The following EYS variants were observed in gnomAD, a reference collection of about 807,000 sequenced individuals.
EYS encodes the protein protein eyes shut homolog.
EYS carries 250 observed loss-of-function variants against 282.1 expected under a neutral mutation model. The ratio of observed to expected loss-of-function variants is 0.89; its 90% confidence interval spans 0.80 to 0.98. The LOEUF (loss-of-function observed/expected upper bound fraction) is 0.98. Among genes scored for constraint, EYS ranks in the 50% least tolerant of loss-of-function variants. The probability of loss-of-function intolerance (pLI) is 0.00; values close to 1 mark genes in which losing one functional copy is unlikely to be tolerated. For synonymous variants in EYS, 1,355 were observed against 1,282.9 expected (o/e 1.06, Z -1.20); for missense variants, 4,016 against 3,709.0 (o/e 1.08, Z -2.15).
At chr6:65,238,359 C>T (rs1245267534) in intron 12 of EYS, among the ~76,000 whole-genome samples, 1 of 151,520 alleles carries the variant, frequency 6.6e-6, no homozygotes, top group Admixed American at 6.6e-5. Flanking sequence ...ATTTCACTGT[C>T]ACTTGTCAGA....
intron 22 of EYS, among the ~76,000 whole-genome samples, chr6:64,687,853 A>T (rs1415708147): frequency 1.3e-5 from 2 of 151,854 alleles, no homozygotes; most frequent in Non-Finnish European, 2.9e-5. Flanking sequence ...CTGGTCCTGG[A>T]ATTTTTTTTG....
chr6:65,188,522 A>C (rs961727752), intron 12 of EYS, among the ~76,000 whole-genome samples: 6 of 151,570 alleles, frequency 4.0e-5, no homozygotes, highest in South Asian at 2.1e-4. Flanking sequence ...CAGAATAATC[A>C]CCTCCAAAGA....
At chr6:64,019,070 C>T (rs535099221) in intron 33 of EYS, among the ~76,000 whole-genome samples, 45 of 152,170 alleles carry the variant, frequency 3.0e-4, no homozygotes, top group African/African-American at 9.2e-4. Context: ...CCACCATGCC[C>T]GGCTCACAAA....
chr6:64,237,359 T>G (rs1766647697), intron 30 of EYS, among the ~76,000 whole-genome samples: 1 of 152,200 alleles, frequency 6.6e-6, no homozygotes, highest in African/African-American at 2.4e-5. Flanking sequence ...GGCTTACCAC[T>G]CTTTCTAAGC....
At chr6:64,278,681 T>C (rs532566451) in intron 30 of EYS, among the ~76,000 whole-genome samples, 6 of 152,132 alleles carry the variant, frequency 3.9e-5, no homozygotes, top group Non-Finnish European at 5.9e-5. Flanking sequence ...GTTTTTAACA[T>C]TGTTAGAAGG....
chr6:64,316,625 T>C (rs1769976328), intron 29 of EYS, among the ~76,000 whole-genome samples: 1 of 152,154 alleles, frequency 6.6e-6, no homozygotes, highest in South Asian at 2.1e-4. Flanking sequence ...TATTCTAAAA[T>C]GGCCATACTG....
intron 30 of EYS, among the ~76,000 whole-genome samples, chr6:64,240,234 C>T (rs1402924534): frequency 3.3e-5 from 5 of 152,084 alleles, no homozygotes; most frequent in Non-Finnish European, 5.9e-5. Context: ...CTTGGCTATG[C>T]GTGCTCTTTT....
chr6:63,726,395 A>G (rs1160234936), intron 42 of EYS, 124 bp downstream of exon 42: 2 of 797,682 alleles, frequency 2.5e-6, no homozygotes, highest in African/African-American at 1.8e-5. Flanking sequence ...ACTTGCAGTG[A>G]CAATAGAACA....
chr6:65,675,886 C>T (rs780323113), intron 1 of EYS, among the ~76,000 whole-genome samples: 2 of 151,840 alleles, frequency 1.3e-5, no homozygotes, highest in Non-Finnish European at 2.9e-5. Context: ...ATTGAAATCA[C>T]ACCAAGTATC....
chr6:64,358,842 G>A (rs1180025482), intron 29 of EYS, among the ~76,000 whole-genome samples: 1 of 151,688 alleles, frequency 6.6e-6, no homozygotes, highest in Non-Finnish European at 1.5e-5. Context: ...CAGAAGAAAT[G>A]TCAAATACTA....
chr6:65,552,650 T>C (rs933826783), intron 2 of EYS, among the ~76,000 whole-genome samples: 2 of 152,160 alleles, frequency 1.3e-5, no homozygotes, highest in African/African-American at 4.8e-5. Flanking sequence ...TCTCTGGCAA[T>C]TTAATTTATT....
chr6:63,732,923 T>C (rs1025663738), intron 41 of EYS, among the ~76,000 whole-genome samples: 13 of 152,208 alleles, frequency 8.5e-5, no homozygotes, highest in Admixed American at 3.3e-4. Context: ...AGTGAATATA[T>C]GTTGATACAT....
intron 7 of EYS, among the ~76,000 whole-genome samples, chr6:65,389,167 AG>A (rs1765911336): frequency 6.6e-6 from 1 of 152,298 alleles, no homozygotes; most frequent in Middle Eastern, 3.4e-3. Flanking sequence ...AACCAAATAA[AG>A]TAACTCATTT....
chr6:63,847,257 C>G (rs1325258032), intron 36 of EYS, among the ~76,000 whole-genome samples: 2 of 152,174 alleles, frequency 1.3e-5, no homozygotes, highest in African/African-American at 2.4e-5. Flanking sequence ...GTGTGGAACA[C>G]TCAACATTGT....
intron 31 of EYS, among the ~76,000 whole-genome samples, chr6:64,158,102 C>T (rs1300970196): frequency 6.6e-6 from 1 of 152,190 alleles, no homozygotes; most frequent in East Asian, 1.9e-4. Flanking sequence ...TCAGTGTGAC[C>T]TGGATGTGAG....
chr6:64,568,594 G>C (rs1765629077), intron 26 of EYS, among the ~76,000 whole-genome samples: 1 of 152,166 alleles, frequency 6.6e-6, no homozygotes, highest in South Asian at 2.1e-4. Context: ...ACTCTGAAGA[G>C]AGAAGCGGAT....
intron 2 of EYS, among the ~76,000 whole-genome samples, chr6:65,521,038 A>G (rs949710189): frequency 2.6e-5 from 4 of 152,188 alleles, no homozygotes; most frequent in African/African-American, 4.8e-5. Context: ...GGTTGACACC[A>G]AAAAATTATT....
intron 12 of EYS, among the ~76,000 whole-genome samples, chr6:65,058,244 G>A (rs1001136835): frequency 1.3e-5 from 2 of 151,952 alleles, no homozygotes; most frequent in African/African-American, 4.8e-5. Flanking sequence ...TCTGCCTCCC[G>A]GGTTCAAGAA....
chr6:65,131,836 G>A (rs1011636672), intron 12 of EYS, among the ~76,000 whole-genome samples: 2 of 151,764 alleles, frequency 1.3e-5, no homozygotes, highest in African/African-American at 2.4e-5. Context: ...GACTAATAAA[G>A]AAGAAAAGAG....
Sources: gnomAD v4.1 joint callset for allele counts (sites outside exome capture counted in the v4.1 genomes callset) on GRCh38, gnomAD v4.1.1 for gene constraint, MANE v1.5 for transcripts, NCBI Gene and HGNC (gene_info 2026-07-23, HGNC 2026-07-21) for gene names.